The following SNCAIP variants were observed in gnomAD, a reference collection of about 807,000 sequenced individuals.
SNCAIP encodes the protein synuclein alpha interacting protein.
In SNCAIP, 43 loss-of-function variants were observed where a neutral mutation model predicts 86.7. That is an observed-to-expected ratio of 0.50 (90% CI 0.39 to 0.64). The LOEUF (loss-of-function observed/expected upper bound fraction) is 0.64. Ranked by LOEUF, SNCAIP falls within the 30% of genes least tolerant of loss-of-function variation. The pLI is 0.00. For synonymous variants in SNCAIP, 417 were observed against 427.2 expected (o/e 0.98, Z 0.29); for missense variants, 981 against 1,103.1 (o/e 0.89, Z 1.57).
intron 3 of SNCAIP, among the ~76,000 whole-genome samples, chr5:122,420,676 C>T (rs1776204372): frequency 6.6e-6 from 1 of 152,054 alleles, no homozygotes; most frequent in African/African-American, 2.4e-5. Context: ...TGTCCACTAT[C>T]TGCTGTTTTA....
At chr5:122,354,679 A>G (rs1760649356) in intron 1 of SNCAIP, among the ~76,000 whole-genome samples, 1 of 152,236 alleles carries the variant, frequency 6.6e-6, no homozygotes, top group Non-Finnish European at 1.5e-5. Flanking sequence ...GATATTTTCA[A>G]TGATCAGCCT....
intron 10 of SNCAIP, among the ~76,000 whole-genome samples, chr5:122,459,343 G>A (rs1785547846): frequency 6.6e-6 from 1 of 152,194 alleles, no homozygotes; most frequent in Non-Finnish European, 1.5e-5. Context: ...GCCTAGAAGA[G>A]TCAGCAAGTT....
chr5:122,388,752 A>T (rs949965594), intron 1 of SNCAIP: 2 of 152,260 alleles, frequency 1.3e-5, no homozygotes, highest in African/African-American at 4.8e-5. Context: ...GAATGTAAAT[A>T]TTCTTAAAGT....
In SNCAIP at chr5:122,449,027, T is replaced by A. The variant is rs578218967; in HGVS notation, c.1593-818T>A. 3.3e-3 allele frequency among the ~76,000 whole-genome samples: 495 copies of A among 149,484 alleles called. 2 individuals carry two copies. The highest frequency in any genetic ancestry group is 0.011 in the African/African-American group (430 of 40,772). ...CAAGACTCCGACTCAAAAAAAAAAA[T>A]GAGGTTACAGATGCTCCTAAATTTA... On this transcript the variant is annotated intron_variant, in intron 8 of 10. Coordinates refer to ENST00000261368, the MANE Select transcript of SNCAIP (RefSeq NM_005460.4).
chr5:122,341,767 G>A (rs1757645558), intron 1 of SNCAIP, among the ~76,000 whole-genome samples: 1 of 152,130 alleles, frequency 6.6e-6, no homozygotes, highest in Non-Finnish European at 1.5e-5. Context: ...CTCCAACCAT[G>A]TAAAATCCAC....
intron 3 of SNCAIP, among the ~76,000 whole-genome samples, chr5:122,411,681 G>A (rs1439171027): frequency 2.0e-5 from 3 of 152,032 alleles, no homozygotes; most frequent in Non-Finnish European, 4.4e-5. Flanking sequence ...CTTTTCAAAT[G>A]GCCCTTGCAT....
chr5:122,374,751 C>A (rs2152801081), intron 1 of SNCAIP, among the ~76,000 whole-genome samples: 1 of 152,134 alleles, frequency 6.6e-6, no homozygotes, highest in African/African-American at 2.4e-5. Context: ...AGTTTTCAGT[C>A]TGGAAATGAA....
In SNCAIP at chr5:122,326,681, T is replaced by G. The variant is rs978285322; in HGVS notation, c.-47+14397T>G. ...AAGGGAGGAATAGCAATTTGCAAGG[T>G]CTTTTGATGTCAGCCCAAATAAGGA... is the stretch of plus-strand genomic sequence containing the variant. On this transcript the variant is annotated intron_variant, in intron 1 of 10. Coordinates refer to ENST00000261368, the MANE Select transcript of SNCAIP (RefSeq NM_005460.4). Among the ~76,000 whole-genome samples the G allele has an allele frequency of 2.1e-5, 3 of 145,920 alleles. No individual in the cohort carries two copies. In the East Asian group the frequency reaches 6.2e-4, roughly 30 times the overall value.
chr5:122,320,117 G>A (rs1026734571), intron 1 of SNCAIP, among the ~76,000 whole-genome samples: 5 of 152,234 alleles, frequency 3.3e-5, no homozygotes, highest in Non-Finnish European at 5.9e-5. Context: ...AATGTGTCCA[G>A]TGCAAGAGCA....
intron 1 of SNCAIP, among the ~76,000 whole-genome samples, chr5:122,331,235 C>A (rs1015699843): frequency 6.6e-6 from 1 of 152,156 alleles, no homozygotes; most frequent in Non-Finnish European, 1.5e-5. Flanking sequence ...TTAATGCACA[C>A]AATTTATTAA....
chr5:122,361,645 C>T (rs1412649339), intron 1 of SNCAIP, among the ~76,000 whole-genome samples: 1 of 152,092 alleles, frequency 6.6e-6, no homozygotes, highest in East Asian at 1.9e-4. Context: ...GCTGGAGAAT[C>T]AGGCCTTGCT....
At chr5:122,331,120 G>A (rs898672361) in intron 1 of SNCAIP, among the ~76,000 whole-genome samples, 23 of 152,166 alleles carry the variant, frequency 1.5e-4, no homozygotes, top group African/African-American at 5.6e-4. Context: ...AAACACAGAG[G>A]AAGCTTTGCT....
chr5:122,366,406 A>G (rs1763206263), intron 1 of SNCAIP, among the ~76,000 whole-genome samples: 1 of 152,208 alleles, frequency 6.6e-6, no homozygotes, highest in Non-Finnish European at 1.5e-5. Context: ...CAAGCCCTCC[A>G]GTCTTCTGAT....
chr5:122,445,645 T>TAC (rs55968414), intron 8 of SNCAIP, among the ~76,000 whole-genome samples: 4,107 of 143,102 alleles, frequency 0.029, 74 homozygotes, highest in African/African-American at 0.043. Context: ...CTTTAAGTTT[T>TAC]ACACACACAC....
intron 1 of SNCAIP, among the ~76,000 whole-genome samples, chr5:122,326,601 G>A (rs1366015777): frequency 9.6e-6 from 1 of 103,812 alleles, no homozygotes; most frequent in African/African-American, 3.6e-5. Context: ...CTTCAGAAAT[G>A]TCTCCTTTTT....
chr5:122,328,218 T>C (rs1370447806), intron 1 of SNCAIP, among the ~76,000 whole-genome samples: 1 of 152,238 alleles, frequency 6.6e-6, no homozygotes. Context: ...ACATAGATTA[T>C]GTCACTCATT....
chr5:122,433,509 T>G (rs965099153), intron 6 of SNCAIP, among the ~76,000 whole-genome samples: 3 of 152,212 alleles, frequency 2.0e-5, no homozygotes, highest in African/African-American at 7.2e-5. Flanking sequence ...TTTGCAGTTT[T>G]ATCTAACAAT....
At chr5:122,319,748 C>T (rs896916877) in intron 1 of SNCAIP, among the ~76,000 whole-genome samples, 1 of 152,220 alleles carries the variant, frequency 6.6e-6, no homozygotes, top group African/African-American at 2.4e-5. Flanking sequence ...TGAATGTTTA[C>T]TGTGTTTGAC....
chr5:122,425,147 G>A (rs962398957), intron 4 of SNCAIP, among the ~76,000 whole-genome samples: 2 of 152,140 alleles, frequency 1.3e-5, no homozygotes, highest in South Asian at 2.1e-4. Flanking sequence ...GCCATGTCTC[G>A]TATGAAGATC....
Sources: allele counts gnomAD v4.1 joint callset (sites outside exome capture counted in the v4.1 genomes callset), GRCh38; gene constraint gnomAD v4.1.1; transcripts MANE v1.5; gene names NCBI Gene and HGNC (gene_info 2026-07-23, HGNC 2026-07-21).